PACRG: variants seen among roughly 807,000 people sequenced by gnomAD.
The protein encoded by PACRG is parkin coregulated gene protein.
In PACRG, 29 loss-of-function variants were observed where a neutral mutation model predicts 29.7. The observed-to-expected ratio is 0.98, with a 90% confidence interval of 0.73 to 1.33. PACRG has a LOEUF of 1.33. Ranked by LOEUF, PACRG falls within the 40% of genes most tolerant of loss-of-function variation. PACRG has a pLI of 0.00. For missense variants in PACRG, 279 were observed against 316.2 expected (o/e 0.88, Z 0.89); for synonymous variants, 116 against 118.7 (o/e 0.98, Z 0.15).
intron 4 of PACRG, among the ~76,000 whole-genome samples, chr6:163,162,899 G>GTAGGGTTGTC (rs372082176): frequency 2.3e-4 from 35 of 151,978 alleles, no homozygotes; most frequent in African/African-American, 7.5e-4. Flanking sequence ...CGGTAGCACA[G>GTAGGGTTGTC]TAGGGTTGTC....
At chr6:162,739,072 C>G (rs935836591) in intron 1 of PACRG, among the ~76,000 whole-genome samples, 1 of 152,124 alleles carries the variant, frequency 6.6e-6, no homozygotes. Flanking sequence ...TAGAGTTTGT[C>G]AAATTTCTCT....
chr6:163,217,666 C>T (rs574669481), intron 4 of PACRG, among the ~76,000 whole-genome samples: 42 of 152,220 alleles, frequency 2.8e-4, no homozygotes, highest in Non-Finnish European at 5.4e-4. Context: ...TCTCATTGCT[C>T]GCTTTACTGC....
chr6:162,878,114 T>C lies in PACRG; in HGVS notation c.291+63833T>C, dbSNP rs559767509. Reference sequence around the variant, plus strand: ...TTAGTAGATTAAAATTCTGAGACTTTTTTATATTAGGGGAATTGGAATAAT... The same window carrying C: ...TTAGTAGATTAAAATTCTGAGACTTCTTTATATTAGGGGAATTGGAATAAT... On this transcript the variant is annotated intron_variant, in intron 2 of 4. Coordinates refer to ENST00000366888, the MANE Select transcript of PACRG (RefSeq NM_001080379.2). 2.6e-5 allele frequency among the ~76,000 whole-genome samples: 4 copies of C among 152,304 alleles called. No homozygotes were observed. In the South Asian group the frequency reaches 8.3e-4, roughly 32 times the overall value.
At chr6:162,761,210 T>A (rs1402973070) in intron 1 of PACRG, among the ~76,000 whole-genome samples, 1 of 152,122 alleles carries the variant, frequency 6.6e-6, no homozygotes, top group Non-Finnish European at 1.5e-5. Context: ...GCCATTTAGC[T>A]CCCCACCTTA....
intron 2 of PACRG, among the ~76,000 whole-genome samples, chr6:162,890,822 C>T (rs1342535074): frequency 2.0e-5 from 3 of 152,104 alleles, no homozygotes; most frequent in East Asian, 1.9e-4. Flanking sequence ...GTATGCTCTA[C>T]CCTGGAGGCC....
intron 1 of PACRG, among the ~76,000 whole-genome samples, chr6:162,770,230 TC>T (rs1474750856): frequency 6.6e-6 from 1 of 152,182 alleles, no homozygotes; most frequent in Non-Finnish European, 1.5e-5. Context: ...GGTATCCTTT[TC>T]CAAGATAATT....
At chr6:163,118,598 A>G (rs1816125795) in intron 4 of PACRG, among the ~76,000 whole-genome samples, 1 of 152,234 alleles carries the variant, frequency 6.6e-6, no homozygotes, top group African/African-American at 2.4e-5. Context: ...AACTTAGTAA[A>G]GAACTCTTTT....
At chr6:163,207,490 C>G (rs1447090693) in intron 4 of PACRG, among the ~76,000 whole-genome samples, 1 of 152,156 alleles carries the variant, frequency 6.6e-6, no homozygotes, top group African/African-American at 2.4e-5. Flanking sequence ...GTGCTCATTA[C>G]ACATCAGACA....
At chr6:163,054,811 G>A (rs529810694) in intron 2 of PACRG, among the ~76,000 whole-genome samples, 255 of 152,236 alleles carry the variant, frequency 1.7e-3, no homozygotes, top group Middle Eastern at 6.8e-3. Context: ...TACTCCCTGC[G>A]GCAAATGGTG....
intron 4 of PACRG, among the ~76,000 whole-genome samples, chr6:163,263,086 G>C (rs932798098): frequency 3.4e-5 from 5 of 148,198 alleles, no homozygotes; most frequent in African/African-American, 1.3e-4. Flanking sequence ...GTCTGCAATT[G>C]TGAAAAATAA....
In PACRG at chr6:162,865,763, G is replaced by A. The variant is rs966810118; in HGVS notation, c.291+51482G>A. ...AAAGGCTCGAATTAACTGGAACATA[G>A]CTAAATAGAACCTTTAATTTACTAG... On this transcript the variant is annotated intron_variant, in intron 2 of 4. Transcript: ENST00000366888. Among the ~76,000 whole-genome samples, 20 of 152,148 alleles carry A rather than the reference G, an allele frequency of 1.3e-4. 5 individuals carry two copies. The highest frequency in any genetic ancestry group is 1.2e-3 in the Admixed American group (19 of 15,282).
chr6:162,927,698 A>G (rs942873717), intron 2 of PACRG, among the ~76,000 whole-genome samples: 2 of 152,036 alleles, frequency 1.3e-5, no homozygotes, highest in Non-Finnish European at 2.9e-5. Flanking sequence ...GGCTTAATAC[A>G]TAGGTATTGG....
chr6:163,290,907 T>A (rs924806694), intron 4 of PACRG, among the ~76,000 whole-genome samples: 5 of 152,070 alleles, frequency 3.3e-5, no homozygotes, highest in African/African-American at 4.8e-5. Context: ...CGGTGGGGCC[T>A]CCTCTCTGCC....
At chr6:163,121,053 TA>T (rs1317124609) in intron 4 of PACRG, among the ~76,000 whole-genome samples, 4 of 152,230 alleles carry the variant, frequency 2.6e-5, no homozygotes, top group African/African-American at 9.6e-5. Context: ...GTCAAAGTCA[TA>T]ACATAACAAC....
intron 4 of PACRG, among the ~76,000 whole-genome samples, chr6:163,116,313 A>G (rs764900172): frequency 6.6e-6 from 1 of 152,116 alleles, no homozygotes; most frequent in African/African-American, 2.4e-5. Context: ...TCTCAGATGA[A>G]CTCATACACT....
rs74830127 is a variant in PACRG, at chr6:162,844,340, G to A, written c.291+30059G>A. Among the ~76,000 whole-genome samples, 7 of 152,300 alleles carry A rather than the reference G, an allele frequency of 4.6e-5. No individual in the cohort carries two copies. In the South Asian group the frequency reaches 1.5e-3, roughly 32 times the overall value. On this transcript the variant is annotated intron_variant, in intron 2 of 4. Coordinates refer to ENST00000366888, the MANE Select transcript of PACRG (RefSeq NM_001080379.2). ...AGCCGGTCCGAAAAGCGCAATATTC[G>A]GGTGGGAGTGACCCCATTTTCCAGG...
intron 4 of PACRG, among the ~76,000 whole-genome samples, 168 bp from the exon 5 acceptor site, chr6:163,314,659 G>C (rs1281023091): frequency 2.0e-5 from 3 of 152,086 alleles, no homozygotes; most frequent in African/African-American, 7.2e-5. Context: ...TCTGGGACTT[G>C]GTATTTTTGT....
At chr6:163,012,276 A>AT (rs1293392308) in intron 2 of PACRG, among the ~76,000 whole-genome samples, 1 of 152,234 alleles carries the variant, frequency 6.6e-6, no homozygotes, top group Non-Finnish European at 1.5e-5. Context: ...TTATTATGAC[A>AT]TTTCACATTC....
At chr6:163,230,601 C>T (rs572998873) in intron 4 of PACRG, among the ~76,000 whole-genome samples, 2 of 152,274 alleles carry the variant, frequency 1.3e-5, no homozygotes, top group South Asian at 4.1e-4. Context: ...TAGACTCATT[C>T]CACGGCCTTT....
Sources: allele counts gnomAD v4.1 joint callset (sites outside exome capture counted in the v4.1 genomes callset), GRCh38; gene constraint gnomAD v4.1.1; transcripts MANE v1.5; gene names NCBI Gene and HGNC (gene_info 2026-07-23, HGNC 2026-07-21).